Variants in IQCE observed in about 807,000 individuals in gnomAD.
The protein encoded by IQCE is IQ domain-containing protein E.
IQCE carries 115 observed loss-of-function variants against 96.0 expected under a neutral mutation model. That is an observed-to-expected ratio of 1.20 (90% CI 1.03 to 1.40). The LOEUF is 1.40. IQCE is among the 40% of genes most tolerant of loss of function. The pLI is 0.00. For missense variants in IQCE, 1,041 were observed against 909.1 expected (o/e 1.15, Z -1.87); for synonymous variants, 412 against 371.2 (o/e 1.11, Z -1.26).
At chr7:2,591,465 T>C (rs574724285) in intron 14 of IQCE, among the ~76,000 whole-genome samples, 1 of 152,172 alleles carries the variant, frequency 6.6e-6, no homozygotes, top group African/African-American at 2.4e-5. Context: ...GATGTTTCTC[T>C]CTAGTTTGCA....
intron 6 of IQCE, among the ~76,000 whole-genome samples, chr7:2,576,130 C>T (rs1002435388): frequency 6.6e-5 from 10 of 152,152 alleles, no homozygotes; most frequent in African/African-American, 1.7e-4. Context: ...GCTGAAGTGC[C>T]GAGCCGCCCC....
At chr7:2,606,861 A>G (rs1784868817) in intron 20 of IQCE, among the ~76,000 whole-genome samples, 2 of 152,138 alleles carry the variant, frequency 1.3e-5, no homozygotes, top group South Asian at 2.1e-4. Context: ...GTCTGAGGCC[A>G]GCTTATAAAA....
intron 14 of IQCE, among the ~76,000 whole-genome samples, chr7:2,592,324 G>C (rs1344723513): frequency 1.3e-5 from 2 of 152,200 alleles, no homozygotes; most frequent in Admixed American, 6.5e-5. Context: ...ATAGACATTA[G>C]GTAAAAAACA....
At chr7:2,600,082 C>T (rs1187764038) in intron 17 of IQCE, among the ~76,000 whole-genome samples, 1 of 152,080 alleles carries the variant, frequency 6.6e-6, no homozygotes, top group Non-Finnish European at 1.5e-5. Context: ...GCGTGAGCCA[C>T]TGTGCCTGGC....
intron 14 of IQCE, among the ~76,000 whole-genome samples, chr7:2,591,158 TG>T (rs1783550946): frequency 6.6e-6 from 1 of 150,950 alleles, no homozygotes; most frequent in South Asian, 2.1e-4. Context: ...GAGGCTGAGG[TG>T]GGAGAATCGC....
chr7:2,576,600 C>T (rs537111687), intron 6 of IQCE, among the ~76,000 whole-genome samples: 2 of 152,104 alleles, frequency 1.3e-5, no homozygotes, highest in South Asian at 2.1e-4. Flanking sequence ...GGGGTTTCAC[C>T]GTGCTGGCCA....
rs545287479 is a variant in IQCE, at chr7:2,610,262, A to G, written c.*100A>G. On this transcript the variant is annotated 3_prime_UTR_variant, in exon 22 of 22. Coordinates refer to ENST00000402050, the MANE Select transcript of IQCE (RefSeq NM_152558.5). ...ATCGTGTTAGGAGAAGAACGATGAT[A>G]CCTACTTAACACCTCAGCATCTGCG... 4.7e-4 allele frequency: 356 copies of G among 763,174 alleles called. 6 individuals are homozygous for G. In the South Asian group the frequency reaches 4.8e-3, roughly 10 times the overall value. 47.3% of individuals were successfully genotyped at this position (763,174 alleles called of 1,614,324 possible).
chr7:2,573,035 G>A (rs1781871645), intron 5 of IQCE, among the ~76,000 whole-genome samples: 1 of 152,162 alleles, frequency 6.6e-6, no homozygotes, highest in African/African-American at 2.4e-5. Flanking sequence ...AAGCCTGACT[G>A]TTTTTACATT....
chr7:2,583,378 G>A (rs1020500267), intron 9 of IQCE, among the ~76,000 whole-genome samples: 2 of 152,254 alleles, frequency 1.3e-5, no homozygotes, highest in South Asian at 4.1e-4. Context: ...AATATCTCTG[G>A]AAAAGCTGTT....
rs369921546 is a variant in IQCE, at chr7:2,572,408, G to A, written c.394+82G>A. 148 of 1,431,610 alleles carry A rather than the reference G, an allele frequency of 1.0e-4. No individual in the cohort carries two copies. In the East Asian group the frequency reaches 1.2e-3, roughly 12 times the overall value. 88.7% of individuals were successfully genotyped at this position (1,431,610 alleles called of 1,614,324 possible). ...AGTCTCTGGGCTGGAGGCGTCCTTC[G>A]TCAGAGCAGGATTTCTGGCTTCGTG... On this transcript the variant is annotated intron_variant, in intron 5 of 21. Coordinates refer to ENST00000402050, the MANE Select transcript of IQCE (RefSeq NM_152558.5).
chr7:2,564,675 C>T (rs928502906), intron 1 of IQCE, among the ~76,000 whole-genome samples: 2 of 151,966 alleles, frequency 1.3e-5, no homozygotes, highest in African/African-American at 2.4e-5. Context: ...GAAGAATATA[C>T]TTTGAATGAT....
At chr7:2,609,903 C>A in intron 21 of IQCE, 141 bp from the exon 22 acceptor site, 1 of 619,060 alleles carries the variant, frequency 1.6e-6, no homozygotes, top group Non-Finnish European at 2.9e-6. Context: ...TCCTGAGGGC[C>A]TGTGTGCCCC....
At chr7:2,578,676 C>G in intron 8 of IQCE, 150 bp downstream of exon 8, 2 of 774,676 alleles carry the variant, frequency 2.6e-6, no homozygotes, top group Non-Finnish European at 4.2e-6. Flanking sequence ...TCCACTGACA[C>G]CTGGGGACAC....
At chr7:2,606,032 A>G in intron 20 of IQCE, 35 bp downstream of exon 20, 9 of 1,581,874 alleles carry the variant, frequency 5.7e-6, no homozygotes, top group Non-Finnish European at 6.9e-6. Context: ...GGACACAGAC[A>G]TGGCACGAGA....
intron 13 of IQCE, among the ~76,000 whole-genome samples, chr7:2,589,290 C>T (rs1345766374): frequency 6.6e-6 from 1 of 152,056 alleles, no homozygotes; most frequent in African/African-American, 2.4e-5. Flanking sequence ...AACGCTTGAG[C>T]CCAGGAGTTC....
At position 2,583,526 on chromosome 7, in the gene IQCE, G is replaced by C. The variant is rs138590803; in HGVS notation, c.702-111G>C. On this transcript the variant is annotated intron_variant, in intron 9 of 21. Transcript: ENST00000402050. ...CGTTCAGGCTTTTCCCTCCCATCCT[G>C]GGTCTTTTCCAAAGCCTCTCCTCTT... is the stretch of plus-strand genomic sequence containing the variant. 1.8e-3 allele frequency: 1,079 copies of C among 615,864 alleles called. 6 individuals carry two copies. The highest frequency in any genetic ancestry group is 0.017 in the African/African-American group (903 of 51,748). The allele number at this position is 615,864 out of a possible 1,614,324, so 38.1% of individuals were successfully genotyped here. A position where few individuals can be genotyped will look rare whatever the true frequency, so the allele number is the denominator to read the frequency against.
rs564108260 is a variant in IQCE, at chr7:2,604,537, C to T, written c.1633-344C>T. Among the ~76,000 whole-genome samples, 4 of 152,298 alleles carry T rather than the reference C, an allele frequency of 2.6e-5. 1 individual carries two copies. The South Asian group carries it at 8.3e-4, about 32-fold the overall frequency. On this transcript the variant is annotated intron_variant, in intron 18 of 21. Transcript: ENST00000402050. ...GATGAAACCAATAAACTATTCCAAC[C>T]TGAAAAAACGCTCCAACATGAAAAC...
At chr7:2,577,941 C>G (rs12700089) in intron 6 of IQCE, among the ~76,000 whole-genome samples, 3,052 of 18,876 alleles carry the variant, frequency 0.16, 1,239 homozygotes, top group Non-Finnish European at 0.2. Flanking sequence ...TGCGGCGTGC[C>G]CGCAGTGTCG....
In IQCE at chr7:2,592,590, C is replaced by T. The variant is rs532933585; in HGVS notation, c.1245-432C>T. Among the ~76,000 whole-genome samples the T allele has an allele frequency of 1.3e-4, 20 of 152,342 alleles. No homozygotes were observed. In the South Asian group the frequency reaches 3.9e-3, roughly 30 times the overall value. ...TGTGTGGCCATCACACCGCATGGGA[C>T]GCAAGAAACGCATCTGGGAGCAGTT... is the stretch of plus-strand genomic sequence containing the variant. On this transcript the variant is annotated intron_variant, in intron 14 of 21. Transcript: ENST00000402050.
Sources: gnomAD v4.1 joint callset for allele counts (sites outside exome capture counted in the v4.1 genomes callset) on GRCh38, gnomAD v4.1.1 for gene constraint, MANE v1.5 for transcripts, NCBI Gene and HGNC (gene_info 2026-07-23, HGNC 2026-07-21) for gene names.